Variants in ESRRG observed in about 807,000 individuals in gnomAD.
ESRRG encodes estrogen related receptor gamma.
A neutral mutation model predicts 44.0 loss-of-function variants in ESRRG; 13 were observed. The ratio of observed to expected loss-of-function variants is 0.30; its 90% CI spans 0.19 to 0.47. ESRRG has a LOEUF of 0.47. Among genes scored for constraint, ESRRG ranks in the 20% least tolerant of loss-of-function variants. The probability of loss-of-function intolerance (pLI) is 1.00; values close to 1 mark genes in which losing one functional copy is unlikely to be tolerated. For missense variants in ESRRG, 395 were observed against 580.6 expected, an observed-to-expected ratio of 0.68 and a Z score of 3.29; for synonymous variants, 215 against 214.6, an observed-to-expected ratio of 1.00 and a Z score of -0.02.
chr1:216,587,508 C>T (rs1009350771), intron 3 of ESRRG, among the ~76,000 whole-genome samples: 8 of 151,962 alleles, frequency 5.3e-5, no homozygotes, highest in Non-Finnish European at 7.4e-5. Flanking sequence ...AAGAGTAAAG[C>T]TTTGTTCTTA....
intron 2 of ESRRG, among the ~76,000 whole-genome samples, chr1:216,731,921 T>A (rs1041562525): frequency 2.0e-5 from 3 of 152,118 alleles, no homozygotes; most frequent in Non-Finnish European, 2.9e-5. Context: ...CAAAGACCAT[T>A]TTCATTAGTG....
intron 2 of ESRRG, among the ~76,000 whole-genome samples, chr1:216,836,795 C>T (rs1484896119): frequency 1.3e-5 from 2 of 152,064 alleles, no homozygotes; most frequent in Non-Finnish European, 2.9e-5. Context: ...TATGACAAGA[C>T]GATGGCAAAA....
chr1:216,835,814 C>T (rs1392546858), intron 2 of ESRRG, among the ~76,000 whole-genome samples: 1 of 152,094 alleles, frequency 6.6e-6, no homozygotes, highest in African/African-American at 2.4e-5. Context: ...AATACACAGC[C>T]GTAATATTTA....
intron 1 of ESRRG, among the ~76,000 whole-genome samples, chr1:216,946,121 A>G (rs1486546175): frequency 1.3e-5 from 2 of 152,202 alleles, no homozygotes; most frequent in Non-Finnish European, 1.5e-5. Context: ...CAAAAATAGC[A>G]ATTGACGTAA....
At chr1:216,874,736 C>T (rs1577510124) in intron 2 of ESRRG, among the ~76,000 whole-genome samples, 1 of 152,282 alleles carries the variant, frequency 6.6e-6, no homozygotes, top group African/African-American at 2.4e-5. Context: ...ACATTTGAGT[C>T]AGTGGAGAGG....
chr1:217,022,153 T>C (rs557963368), intron 1 of ESRRG, among the ~76,000 whole-genome samples: 166 of 152,364 alleles, frequency 1.1e-3, no homozygotes, highest in African/African-American at 3.9e-3. Flanking sequence ...TTATTTTTCA[T>C]TGTGCCCTGC....
chr1:216,820,291 T>C (rs1166582641), intron 2 of ESRRG, among the ~76,000 whole-genome samples: 1 of 152,204 alleles, frequency 6.6e-6, no homozygotes, highest in Admixed American at 6.5e-5. Context: ...TTAAGTTTAT[T>C]CTTACATTCC....
intron 3 of ESRRG, among the ~76,000 whole-genome samples, chr1:216,605,376 T>C (rs750280819): frequency 2.0e-5 from 3 of 151,608 alleles, no homozygotes; most frequent in Non-Finnish European, 4.4e-5. Flanking sequence ...TCAATCATTC[T>C]ATTAAAAAAA....
At chr1:216,621,914 C>A (rs745640676) in intron 3 of ESRRG, among the ~76,000 whole-genome samples, 12 of 152,166 alleles carry the variant, frequency 7.9e-5, no homozygotes, top group Admixed American at 2.0e-4. Context: ...TTGTTTGACA[C>A]TTTGTGTATC....
At chr1:216,545,466 T>G (rs1419181957) in intron 5 of ESRRG, among the ~76,000 whole-genome samples, 1 of 152,034 alleles carries the variant, frequency 6.6e-6, no homozygotes, top group Non-Finnish European at 1.5e-5. Flanking sequence ...ACATTAACAT[T>G]CAGAATTAGT....
At chr1:216,780,733 G>A (rs1307059387) in intron 2 of ESRRG, among the ~76,000 whole-genome samples, 2 of 152,036 alleles carry the variant, frequency 1.3e-5, no homozygotes, top group African/African-American at 4.8e-5. Flanking sequence ...CCAGGGAGGA[G>A]AAGGGATTTT....
chr1:216,518,442 C>T (rs372683935), intron 6 of ESRRG, among the ~76,000 whole-genome samples: 2 of 152,026 alleles, frequency 1.3e-5, no homozygotes, highest in Non-Finnish European at 2.9e-5. Context: ...GTTATTGACA[C>T]GCAGGTATCT....
chr1:216,941,054 G>C (rs915732429), intron 1 of ESRRG, among the ~76,000 whole-genome samples: 15 of 152,132 alleles, frequency 9.9e-5, no homozygotes, highest in African/African-American at 3.4e-4. Flanking sequence ...CATAAAACTA[G>C]GATGGTGTTT....
At chr1:216,944,826 G>T (rs993703417) in intron 1 of ESRRG, among the ~76,000 whole-genome samples, 3 of 152,050 alleles carry the variant, frequency 2.0e-5, no homozygotes, top group Non-Finnish European at 4.4e-5. Flanking sequence ...TTCTCTCTCT[G>T]GGGGAATAAC....
chr1:216,973,836 A>AT (rs886192666), intron 1 of ESRRG, among the ~76,000 whole-genome samples: 2 of 151,912 alleles, frequency 1.3e-5, no homozygotes, highest in African/African-American at 4.8e-5. Context: ...CAAAAAAAAA[A>AT]AAAAAAGAAT....
chr1:216,611,448 A>C (rs1035758386), intron 3 of ESRRG, among the ~76,000 whole-genome samples: 5 of 152,176 alleles, frequency 3.3e-5, no homozygotes, highest in Non-Finnish European at 5.9e-5. Context: ...TGTGAAGTCT[A>C]CTTAATGTAA....
intron 1 of ESRRG, among the ~76,000 whole-genome samples, chr1:217,096,352 C>A (rs1348484755): frequency 6.6e-6 from 1 of 152,226 alleles, no homozygotes; most frequent in African/African-American, 2.4e-5. Context: ...CTACCAACTA[C>A]GTTCTCAGCT....
At chr1:216,580,120 A>G (rs2062462386) in intron 3 of ESRRG, among the ~76,000 whole-genome samples, 1 of 152,248 alleles carries the variant, frequency 6.6e-6, no homozygotes, top group Admixed American at 6.5e-5. Context: ...ATCATTAGCC[A>G]TGCAGTATGT....
chr1:216,823,113 G>T (rs1032358198), intron 2 of ESRRG, among the ~76,000 whole-genome samples: 2 of 151,606 alleles, frequency 1.3e-5, no homozygotes, highest in African/African-American at 4.8e-5. Flanking sequence ...GAGAACCTTC[G>T]ACTAACATCT....
Sources: allele counts gnomAD v4.1 joint callset (sites outside exome capture counted in the v4.1 genomes callset), GRCh38; gene constraint gnomAD v4.1.1; transcripts MANE v1.5; gene names NCBI Gene and HGNC (gene_info 2026-07-23, HGNC 2026-07-21).